Variants in MAST4 observed in about 807,000 individuals in gnomAD.
MAST4 encodes the protein microtubule associated serine/threonine kinase family member 4.
In MAST4, 89 loss-of-function variants were observed where a neutral mutation model predicts 162.7. The ratio of observed to expected loss-of-function variants is 0.55; its 90% CI spans 0.46 to 0.65. MAST4 has a LOEUF of 0.65. Ranked by LOEUF, MAST4 falls within the 30% of genes least tolerant of loss-of-function variation. The pLI is 0.00. For synonymous variants in MAST4, 1,479 were observed against 1,361.1 expected (o/e 1.09, Z -1.91); for missense variants, 3,153 against 3,374.0 (o/e 0.93, Z 1.62).
chr5:66,889,155 A>G (rs1442414891), intron 3 of MAST4, among the ~76,000 whole-genome samples: 1 of 152,212 alleles, frequency 6.6e-6, no homozygotes, highest in Non-Finnish European at 1.5e-5. Flanking sequence ...GCAGATCAAT[A>G]CTTCGAATTT....
chr5:66,817,617 G>A (rs780538480), intron 3 of MAST4, among the ~76,000 whole-genome samples: 2 of 152,134 alleles, frequency 1.3e-5, no homozygotes, highest in South Asian at 2.1e-4. Flanking sequence ...CATTAAAAAT[G>A]CAAATCAGTT....
intron 1 of MAST4, among the ~76,000 whole-genome samples, chr5:66,656,522 G>C (rs1746560478): frequency 6.6e-6 from 1 of 152,080 alleles, no homozygotes; most frequent in African/African-American, 2.4e-5. Context: ...AGGGTTATCT[G>C]GTCTTTTGTA....
intron 3 of MAST4, among the ~76,000 whole-genome samples, chr5:66,838,132 A>G (rs1758158240): frequency 6.6e-6 from 1 of 151,752 alleles, no homozygotes; most frequent in African/African-American, 2.4e-5. Context: ...TGTTTTTAAA[A>G]TTGCTGGACA....
intron 1 of MAST4, among the ~76,000 whole-genome samples, chr5:66,636,915 A>G (rs1461268910): frequency 6.6e-6 from 1 of 152,232 alleles, no homozygotes; most frequent in Non-Finnish European, 1.5e-5. Context: ...TTTGAAAGGT[A>G]AATACTTTAT....
chr5:66,889,075 G>C (rs185420930), intron 3 of MAST4, among the ~76,000 whole-genome samples: 1 of 152,272 alleles, frequency 6.6e-6, no homozygotes, highest in African/African-American at 2.4e-5. Context: ...AGCTTTTATT[G>C]ATTCTAGGGA....
intron 1 of MAST4, among the ~76,000 whole-genome samples, chr5:66,692,776 C>T (rs1394246692): frequency 1.3e-5 from 2 of 152,026 alleles, no homozygotes; most frequent in South Asian, 2.1e-4. Flanking sequence ...CTTGCTATGT[C>T]CTCACTTGGT....
chr5:67,020,042 T>G (rs534776825), intron 4 of MAST4, among the ~76,000 whole-genome samples: 71 of 152,322 alleles, frequency 4.7e-4, no homozygotes, highest in African/African-American at 1.6e-3. Flanking sequence ...TAGTTAAGAT[T>G]CAACTAGGAG....
At chr5:66,866,862 G>A (rs191134448) in intron 3 of MAST4, among the ~76,000 whole-genome samples, 84 of 152,290 alleles carry the variant, frequency 5.5e-4, no homozygotes, top group African/African-American at 1.6e-3. Flanking sequence ...TGATCCTCCT[G>A]CCTCAGCCTC....
chr5:66,661,310 T>A (rs75789076), intron 1 of MAST4, among the ~76,000 whole-genome samples: 2,926 of 152,242 alleles, frequency 0.019, 90 homozygotes, highest in African/African-American at 0.066. Flanking sequence ...TTCAGATGAT[T>A]GCTCCAATTC....
At chr5:66,840,748 C>T (rs1451147549) in intron 3 of MAST4, among the ~76,000 whole-genome samples, 1 of 152,148 alleles carries the variant, frequency 6.6e-6, no homozygotes, top group East Asian at 1.9e-4. Flanking sequence ...GTAGCTACTG[C>T]CTGTTTACTC....
At chr5:67,106,226 C>T (rs1765578477) in intron 10 of MAST4, among the ~76,000 whole-genome samples, 1 of 152,056 alleles carries the variant, frequency 6.6e-6, no homozygotes. Context: ...GACCTATAGA[C>T]TCTAATGGCT....
At chr5:66,795,547 T>C (rs1755608004) in intron 3 of MAST4, among the ~76,000 whole-genome samples, 1 of 152,240 alleles carries the variant, frequency 6.6e-6, no homozygotes, top group Admixed American at 6.5e-5. Context: ...TGGTCAGCAG[T>C]CAATAGTGTT....
Position 67,104,595 on chromosome 5 carries a change from T to G in MAST4, c.1356+20T>G. On this transcript the variant is annotated intron_variant, in intron 10 of 28. Transcript: ENST00000403625. ...CAGGAGGTAAGAACCATGTACCATA[T>G]AGTTTTCTGATTTATTTTGCTTTTC... 6.3e-7 allele frequency: 1 copy of G among 1,594,976 alleles called. No homozygotes were observed. The highest frequency in any genetic ancestry group is 8.6e-7 in the Non-Finnish European group (1 of 1,167,798).
chr5:67,128,577 T>C (rs919797474), intron 14 of MAST4, among the ~76,000 whole-genome samples: 1 of 151,944 alleles, frequency 6.6e-6, no homozygotes, highest in African/African-American at 2.4e-5. Flanking sequence ...AAGACAGAGA[T>C]AAAAACACAC....
intron 1 of MAST4, among the ~76,000 whole-genome samples, chr5:66,751,230 G>T (rs1396015068): frequency 6.6e-6 from 1 of 152,104 alleles, no homozygotes; most frequent in Non-Finnish European, 1.5e-5. Context: ...ACTCTAAAAA[G>T]CAGAGCGCCT....
chr5:67,086,083 C>A (rs1763202997), intron 5 of MAST4, among the ~76,000 whole-genome samples: 2 of 152,158 alleles, frequency 1.3e-5, no homozygotes, highest in Non-Finnish European at 2.9e-5. Context: ...TGTTATGGTG[C>A]AAATGTCACA....
intron 1 of MAST4, among the ~76,000 whole-genome samples, chr5:66,747,979 G>A (rs1316826292): frequency 3.3e-5 from 5 of 152,212 alleles, no homozygotes; most frequent in Admixed American, 3.3e-4. Context: ...TAGCACAGCA[G>A]ATGGACCCGT....
chr5:66,975,370 G>A, intron 4 of MAST4, among the ~76,000 whole-genome samples: 1 of 152,180 alleles, frequency 6.6e-6, no homozygotes, highest in East Asian at 1.9e-4. Flanking sequence ...AAATGACAAA[G>A]TGAGGACAGT....
chr5:66,759,952 T>C, intron 2 of MAST4, 90 bp downstream of exon 2: 2 of 1,407,208 alleles, frequency 1.4e-6, no homozygotes, highest in Non-Finnish European at 1.9e-6. Flanking sequence ...ATCAGCTTTC[T>C]TAAGAATGGG....
Sources: allele counts gnomAD v4.1 joint callset (sites outside exome capture counted in the v4.1 genomes callset), GRCh38; gene constraint gnomAD v4.1.1; transcripts MANE v1.5; gene names NCBI Gene and HGNC (gene_info 2026-07-23, HGNC 2026-07-21).